Variants in PYROXD1 observed in about 807,000 individuals in gnomAD.
The protein encoded by PYROXD1 is tRNA ligase complex-associated NAD(P)H dehydrogenase PYROXD1.
Under a neutral mutation model 62.0 loss-of-function variants are expected in PYROXD1, and 42 were observed. The observed-to-expected ratio is 0.68, with a 90% confidence interval of 0.53 to 0.88. The LOEUF is 0.88. Ranked by LOEUF, PYROXD1 falls within the 40% of genes least tolerant of loss-of-function variation. PYROXD1 has a pLI of 0.00. For missense variants in PYROXD1, 493 were observed against 604.8 expected (o/e 0.82, Z 1.94); for synonymous variants, 170 against 206.4 (o/e 0.82, Z 1.51).
At chr12:21,454,863 C>A in intron 5 of PYROXD1, 1 of 226,854 alleles carries the variant, frequency 4.4e-6, no homozygotes, top group Non-Finnish European at 8.5e-6. Flanking sequence ...TAATGATGTA[C>A]ACTGTAATGA....
intron 7 of PYROXD1, among the ~76,000 whole-genome samples, chr12:21,457,944 G>C (rs537190775): frequency 6.2e-5 from 9 of 145,924 alleles, no homozygotes; most frequent in Non-Finnish European, 1.4e-4. Context: ...CAGAGGACAG[G>C]CAGGGTAGAT....
At chr12:21,447,242 A>G (rs1468831627) in intron 3 of PYROXD1, among the ~76,000 whole-genome samples, 1 of 152,232 alleles carries the variant, frequency 6.6e-6, no homozygotes, top group Non-Finnish European at 1.5e-5. Context: ...AAACACATAT[A>G]TACCACATTT....
At chr12:21,460,273 A>C (rs1942670000) in intron 7 of PYROXD1, among the ~76,000 whole-genome samples, 1 of 152,092 alleles carries the variant, frequency 6.6e-6, no homozygotes, top group Admixed American at 6.5e-5. Context: ...AGTTTAATTC[A>C]ATAAGCATTT....
At chr12:21,451,226 T>A (rs1942491054) in intron 4 of PYROXD1, among the ~76,000 whole-genome samples, 1 of 106,856 alleles carries the variant, frequency 9.4e-6, no homozygotes, top group African/African-American at 3.5e-5. Flanking sequence ...GGCTTCTCTC[T>A]CTCTTTTTTT....
chr12:21,464,251 C>T (rs1436738360), intron 10 of PYROXD1, among the ~76,000 whole-genome samples: 1 of 151,520 alleles, frequency 6.6e-6, no homozygotes, highest in Non-Finnish European at 1.5e-5. Context: ...TTTGAGTGCA[C>T]CTTATAGGCC....
intron 7 of PYROXD1, 137 bp downstream of exon 7, chr12:21,456,232 A>T: frequency 1.7e-6 from 1 of 591,624 alleles, no homozygotes; most frequent in Non-Finnish European, 3.0e-6. Context: ...TTAGGAAAAG[A>T]CCTCCAATGC....
chr12:21,470,191 A>G lies in PYROXD1; in HGVS notation c.*1437A>G, dbSNP rs368836874. On this transcript the variant is annotated 3_prime_UTR_variant, in exon 12 of 12. Coordinates refer to ENST00000240651, the MANE Select transcript of PYROXD1 (RefSeq NM_024854.5). The stretch of plus-strand genomic sequence containing the variant: ...TTAATTAGAAAATTTAGTAACATTC[A>G]TATCAGGCATCATCGATTTTTCTTT... 3.1e-6 allele frequency: 5 copies of G among 1,611,356 alleles called. No individual in the cohort carries two copies. Among genetic ancestry groups the G allele is most frequent in the African/African-American group, 1.3e-5 (1 of 74,758 alleles).
In PYROXD1 at chr12:21,456,090, A is replaced by G. The variant is rs749981488; in HGVS notation, c.745A>G (p.Lys249Glu). The change falls in exon 7 of 12, where the codon AAA becomes GAA. Residue 249 changes from lysine to glutamate, a missense_variant. Physicochemically the swap from Lys to Glu is moderately conservative, Grantham distance 56. Transcript: ENST00000240651. ...TGAAGGCTTGAATCTTAAAGGAACAAAAGAGGTATCTTTTCATATACTAAT... is the reference window on the plus strand; with the variant it reads ...TGAAGGCTTGAATCTTAAAGGAACAGAAGAGGTATCTTTTCATATACTAAT... ...WHEGLNLKGTKEFSHKIHLET... is the reference protein window; with the variant it reads ...WHEGLNLKGTEEFSHKIHLET... 1.3e-6 allele frequency: 2 copies of G among 1,585,290 alleles called. No individual in the cohort carries two copies. Among genetic ancestry groups the G allele is most frequent in the Non-Finnish European group, 1.7e-6 (2 of 1,157,378 alleles).
At chr12:21,440,511 G>A (rs1470032315) in intron 2 of PYROXD1, 63 bp downstream of exon 2, 2 of 876,510 alleles carry the variant, frequency 2.3e-6, no homozygotes, top group African/African-American at 1.7e-5. Flanking sequence ...TTGCATAGCA[G>A]TTAGGGTAAT....
Position 21,462,703 on chromosome 12 carries a change from T to G in PYROXD1, c.994-37T>G, listed in dbSNP as rs774165167. On this transcript the variant is annotated intron_variant, in intron 9 of 11. Transcript: ENST00000240651. The stretch of plus-strand genomic sequence containing the variant: ...TAAAATGGAAAAAGTCGTTTCATTT[T>G]TCTTAACACTTAACGCTTATGAGGA... 1.9e-6 allele frequency: 3 copies of G among 1,606,500 alleles called. No homozygotes were observed. The Admixed American group carries it at 5.1e-5, about 28-fold the overall frequency.
rs747550556 is a variant in PYROXD1 at position 21,452,114 on chromosome 12, A to G, written c.448A>G (p.Ile150Val). 5 of 1,589,028 alleles carry G rather than the reference A, an allele frequency of 3.1e-6. No individual in the cohort carries two copies. Among genetic ancestry groups the G allele is most frequent in the South Asian group, 1.2e-5 (1 of 85,516 alleles). ...GAAACAGCTTACTAAAGCTAAAAGA[A>G]TAATGATCATAGGGAACGGTGGTAT... ...FQKQLTKAKR[I>V]MIIGNGGIAL... Residue 150 changes from isoleucine (I) to valine (V), a missense_variant, in exon 5 of 12, where the codon ATA becomes GTA. Transcript: ENST00000240651.
intron 7 of PYROXD1, 28 bp from the exon 8 acceptor site, chr12:21,460,997 A>G: frequency 1.4e-6 from 2 of 1,429,120 alleles, no homozygotes; most frequent in Admixed American, 2.2e-5. Context: ...TGTAAGTATT[A>G]TGCTAACCAG....
intron 10 of PYROXD1, 59 bp from the exon 11 acceptor site, chr12:21,467,422 C>T: frequency 1.3e-6 from 2 of 1,500,154 alleles, no homozygotes; most frequent in South Asian, 1.3e-5. Flanking sequence ...ACAAGGTTAA[C>T]ATTTTTCAGA....
chr12:21,458,083 TCTC>T (rs1261707398), intron 7 of PYROXD1, among the ~76,000 whole-genome samples: 2 of 152,190 alleles, frequency 1.3e-5, no homozygotes, highest in Non-Finnish European at 2.9e-5. Flanking sequence ...GGCATTGACT[TCTC>T]CTCTATAGTT....
intron 2 of PYROXD1, among the ~76,000 whole-genome samples, chr12:21,443,217 A>T (rs1225914247): frequency 6.6e-6 from 1 of 152,204 alleles, no homozygotes; most frequent in Non-Finnish European, 1.5e-5. Context: ...TTAATCTTCT[A>T]TTCTTTTTCT....
intron 3 of PYROXD1, chr12:21,448,029 A>G: frequency 4.3e-6 from 2 of 466,960 alleles, no homozygotes; most frequent in Non-Finnish European, 8.1e-6. Context: ...GTGTGAAGGT[A>G]TCTCTCTAAA....
intron 1 of PYROXD1, 71 bp downstream of exon 1, chr12:21,437,885 C>T (rs1942221037): frequency 1.5e-6 from 2 of 1,317,294 alleles, no homozygotes; most frequent in Middle Eastern, 1.9e-4. Context: ...GGCCTTCCTC[C>T]CACCCCCTCC....
At chr12:21,464,358 C>T (rs1030496427) in intron 10 of PYROXD1, among the ~76,000 whole-genome samples, 6 of 151,926 alleles carry the variant, frequency 3.9e-5, no homozygotes, top group African/African-American at 1.5e-4. Context: ...CTAGTTGTTA[C>T]TGTGCTCAGT....
intron 3 of PYROXD1, among the ~76,000 whole-genome samples, chr12:21,445,734 G>A (rs1942374257): frequency 1.3e-5 from 2 of 152,280 alleles, no homozygotes; most frequent in Admixed American, 6.5e-5. Context: ...ACTGCATTAG[G>A]TGCTGGGATG....
Sources: gnomAD v4.1 joint callset for allele counts (sites outside exome capture counted in the v4.1 genomes callset) on GRCh38, gnomAD v4.1.1 for gene constraint, MANE v1.5 for transcripts, NCBI Gene and HGNC (gene_info 2026-07-23, HGNC 2026-07-21) for gene names.